SCN8A: variants seen among roughly 807,000 people sequenced by gnomAD.
The protein encoded by SCN8A is sodium voltage-gated channel alpha subunit 8.
A neutral mutation model predicts 184.1 loss-of-function variants in SCN8A; 30 were observed. The ratio of observed to expected loss-of-function variants is 0.16; its 90% CI spans 0.12 to 0.22. SCN8A has a LOEUF of 0.22. Among genes scored for constraint, SCN8A ranks in the 10% least tolerant of loss-of-function variants. The probability of loss-of-function intolerance (pLI) is 1.00; values close to 1 mark genes in which losing one functional copy is unlikely to be tolerated. For missense variants in SCN8A, 1,057 were observed against 2,498.9 expected, an observed-to-expected ratio of 0.42 and a Z score of 12.30; for synonymous variants, 852 against 907.0, an observed-to-expected ratio of 0.94 and a Z score of 1.09.
intron 5 of SCN8A, among the ~76,000 whole-genome samples, chr12:51,688,328 A>G (rs1941453012): frequency 2.0e-5 from 3 of 152,248 alleles, no homozygotes; most frequent in African/African-American, 7.2e-5. Context: ...CATTTAGTCA[A>G]TTTTGCCATT....
chr12:51,766,727 G>A (rs1219430222), intron 16 of SCN8A, among the ~76,000 whole-genome samples: 2 of 152,018 alleles, frequency 1.3e-5, no homozygotes, highest in Non-Finnish European at 2.9e-5. Context: ...GCTTCTTAAA[G>A]TGTGATCTGA....
chr12:51,651,309 TTC>T, intron 1 of SCN8A, among the ~76,000 whole-genome samples: 1 of 152,340 alleles, frequency 6.6e-6, no homozygotes, highest in South Asian at 2.1e-4. Flanking sequence ...GATCAAGTGA[TTC>T]TCCTGCCTCA....
intron 7 of SCN8A, among the ~76,000 whole-genome samples, chr12:51,700,869 A>G (rs1167574554): frequency 6.6e-6 from 1 of 152,210 alleles, no homozygotes; most frequent in African/African-American, 2.4e-5. Context: ...TTCAAGTACC[A>G]GAATCTGGCA....
intron 11 of SCN8A, among the ~76,000 whole-genome samples, chr12:51,720,460 T>G (rs1592404273): frequency 7.0e-5 from 5 of 71,868 alleles, no homozygotes; most frequent in African/African-American, 1.2e-4. Flanking sequence ...TGACATAGGG[T>G]TGGGGGAGGG....
intron 2 of SCN8A, among the ~76,000 whole-genome samples, chr12:51,671,196 T>G (rs906300363): frequency 1.3e-5 from 2 of 152,186 alleles, no homozygotes; most frequent in African/African-American, 2.4e-5. Flanking sequence ...CATTTGCCCC[T>G]CTTGGATTTT....
intron 1 of SCN8A, among the ~76,000 whole-genome samples, chr12:51,620,642 C>G (rs1393192742): frequency 6.6e-6 from 1 of 151,706 alleles, no homozygotes; most frequent in African/African-American, 2.4e-5. Flanking sequence ...CTTGGAATTT[C>G]TATTTTGAAT....
At chr12:51,654,967 T>G (rs1018801567) in intron 1 of SCN8A, among the ~76,000 whole-genome samples, 10 of 151,784 alleles carry the variant, frequency 6.6e-5, no homozygotes, top group Non-Finnish European at 1.3e-4. Flanking sequence ...TAGCATGATC[T>G]CAGCTCACTG....
intron 3 of SCN8A, among the ~76,000 whole-genome samples, chr12:51,685,091 T>C (rs1330487256): frequency 2.0e-5 from 3 of 152,214 alleles, no homozygotes; most frequent in Non-Finnish European, 4.4e-5. Context: ...TTGCCACATT[T>C]TATTAACTCT....
intron 1 of SCN8A, among the ~76,000 whole-genome samples, chr12:51,628,913 A>G (rs1940137039): frequency 6.6e-6 from 1 of 152,172 alleles, no homozygotes; most frequent in Admixed American, 6.6e-5. Context: ...GGTCTTGAGA[A>G]TTTCAGTCCA....
At chr12:51,697,017 C>T (rs1323892490) in intron 6 of SCN8A, among the ~76,000 whole-genome samples, 4 of 132,606 alleles carry the variant, frequency 3.0e-5, no homozygotes, top group East Asian at 2.2e-4. Context: ...CCAGCCTGGA[C>T]GACAGAGCGA....
chr12:51,662,874 T>C lies in SCN8A; in HGVS notation c.57T>C (p.Pro19=), dbSNP rs1450138204. ...PGPDSFKPFT[P]ESLANIERRI... ...CTGATAGTTTCAAGCCTTTCACCCCTGAGTCACTGGCAAACATTGAGAGGC... is the reference window on the plus strand; with the variant it reads ...CTGATAGTTTCAAGCCTTTCACCCCCGAGTCACTGGCAAACATTGAGAGGC... The change falls in exon 2 of 27, where the codon CCT becomes CCC. Residue 19 remains proline, a synonymous_variant. Coordinates refer to ENST00000627620, the MANE Select transcript of SCN8A (RefSeq NM_001330260.2). 6.2e-7 allele frequency: 1 copy of C among 1,613,974 alleles called. No individual in the cohort carries two copies. Among genetic ancestry groups the C allele is most frequent in the Non-Finnish European group, 8.5e-7 (1 of 1,179,886 alleles).
At chr12:51,699,549 C>T (rs1210658126) in intron 6 of SCN8A, 21 bp from the exon 7 acceptor site, 1 of 1,589,662 alleles carries the variant, frequency 6.3e-7, no homozygotes, top group South Asian at 1.1e-5. Context: ...GCCTCTGATT[C>T]CGGGGATTCT....
intron 1 of SCN8A, among the ~76,000 whole-genome samples, chr12:51,649,590 C>A (rs1239185178): frequency 1.3e-5 from 2 of 152,222 alleles, no homozygotes; most frequent in Non-Finnish European, 2.9e-5. Flanking sequence ...AGTCTTGGAG[C>A]TTGCACCCTC....
chr12:51,754,428 A>G (rs1942642489), intron 14 of SCN8A, among the ~76,000 whole-genome samples: 1 of 151,872 alleles, frequency 6.6e-6, no homozygotes. Flanking sequence ...CTACATAACC[A>G]TAGTATAACT....
At chr12:51,651,025 C>T (rs972198350) in intron 1 of SCN8A, among the ~76,000 whole-genome samples, 1 of 152,244 alleles carries the variant, frequency 6.6e-6, no homozygotes, top group Non-Finnish European at 1.5e-5. Flanking sequence ...TAGTTAACTG[C>T]AGCAGCAGCA....
chr12:51,657,793 T>C (rs1467791061), intron 1 of SCN8A, among the ~76,000 whole-genome samples: 1 of 152,148 alleles, frequency 6.6e-6, no homozygotes, highest in Non-Finnish European at 1.5e-5. Flanking sequence ...TTGATTTTTG[T>C]ATGTGGTGAG....
intron 1 of SCN8A, among the ~76,000 whole-genome samples, chr12:51,603,971 A>C (rs1939526945): frequency 6.6e-6 from 1 of 152,126 alleles, no homozygotes; most frequent in African/African-American, 2.4e-5. Context: ...ATCAAAACAG[A>C]TATCTTTATC....
chr12:51,661,497 G>C (rs1260750703), intron 1 of SCN8A, among the ~76,000 whole-genome samples: 1 of 152,144 alleles, frequency 6.6e-6, no homozygotes, highest in East Asian at 1.9e-4. Context: ...GGAGCTCTTG[G>C]GTATCTCATT....
Position 51,786,562 on chromosome 12 carries a change from G to A in SCN8A, c.3963G>A (p.Val1321=). 6.2e-7 allele frequency: 1 copy of A among 1,614,160 alleles called. No homozygotes were observed. Among genetic ancestry groups the A allele is most frequent in the Non-Finnish European group, 8.5e-7 (1 of 1,180,020 alleles). The change falls in exon 22 of 27, where the codon GTG becomes GTA. Residue 1321 remains valine (V), a synonymous_variant. Transcript: ENST00000627620. ...EGMRVVVNAL[V]GAIPSIMNVL... ...TGCAGGTGGTGGTGAATGCCTTGGTGGGCGCCATCCCCTCCATCATGAATG... is the reference window on the plus strand; with the variant it reads ...TGCAGGTGGTGGTGAATGCCTTGGTAGGCGCCATCCCCTCCATCATGAATG...
Sources: allele counts gnomAD v4.1 joint callset (sites outside exome capture counted in the v4.1 genomes callset), GRCh38; gene constraint gnomAD v4.1.1; transcripts MANE v1.5; gene names NCBI Gene and HGNC (gene_info 2026-07-23, HGNC 2026-07-21).